The following STS variants were observed in gnomAD, a reference collection of about 807,000 sequenced individuals.
STS encodes steryl-sulfatase.
Under a neutral mutation model 26.8 loss-of-function variants are expected in STS, and 7 were observed. The ratio of observed to expected loss-of-function variants is 0.26; its 90% CI spans 0.15 to 0.49. STS has a LOEUF of 0.49. Among genes scored for constraint, STS ranks in the 20% least tolerant of loss-of-function variants. STS has a pLI of 0.98. For missense variants in STS, 434 were observed against 465.6 expected (o/e 0.93, Z 0.63); for synonymous variants, 199 against 189.4 (o/e 1.05, Z -0.42).
At chrX:7,283,098 T>A (rs189467356) in intron 7 of STS, among the ~76,000 whole-genome samples, 78 of 112,443 alleles carry the variant, frequency 6.9e-4, no homozygotes, top group African/African-American at 2.5e-3. Context: ...TCTTAAGGCT[T>A]TGTATTTCCC....
At chrX:7,329,458 T>C (rs1385937287) in intron 9 of STS, among the ~76,000 whole-genome samples, 1 of 112,399 alleles carries the variant, frequency 8.9e-6, no homozygotes, top group African/African-American at 3.2e-5. Flanking sequence ...ATCAAAACTT[T>C]TCAATAAAAG....
chrX:7,219,477 C>T (rs1239008088), intron 2 of STS: 3 of 1,115,973 alleles, frequency 2.7e-6, no homozygotes, highest in African/African-American at 3.6e-5. Context: ...GGCCAAGCCT[C>T]CAGCAGCTGA....
At chrX:7,291,973 A>G (rs1203727963) in intron 7 of STS, among the ~76,000 whole-genome samples, 2 of 112,356 alleles carry the variant, frequency 1.8e-5, no homozygotes, top group African/African-American at 3.2e-5. Context: ...GCTTTTATGC[A>G]TCCGATTTGT....
intron 1 of STS, among the ~76,000 whole-genome samples, chrX:7,161,713 T>C (rs970544134): frequency 8.9e-6 from 1 of 112,051 alleles, no homozygotes; most frequent in Non-Finnish European, 1.9e-5. Context: ...GCAGATTGAG[T>C]TGGAGGAATG....
intron 7 of STS, among the ~76,000 whole-genome samples, chrX:7,280,940 T>C (rs1209778079): frequency 8.9e-6 from 1 of 112,506 alleles, no homozygotes. Flanking sequence ...TAATCCCAGG[T>C]GGATCACCTA....
intron 10 of STS, among the ~76,000 whole-genome samples, chrX:7,339,529 A>G (rs746148566): frequency 8.9e-6 from 1 of 112,309 alleles, no homozygotes; most frequent in African/African-American, 3.2e-5. Flanking sequence ...GCATGCAGCT[A>G]TTATTTCACT....
chrX:7,268,854 A>G (rs2147099489), intron 6 of STS, among the ~76,000 whole-genome samples: 1 of 110,408 alleles, frequency 9.1e-6, no homozygotes, highest in African/African-American at 3.3e-5. Context: ...TCTACAAAAA[A>G]TAAAGAAATA....
intron 2 of STS, among the ~76,000 whole-genome samples, chrX:7,205,495 G>C (rs1206058804): frequency 8.9e-6 from 1 of 111,949 alleles, no homozygotes; most frequent in Non-Finnish European, 1.9e-5. Context: ...TGGGCACTCA[G>C]TGTATTCACT....
rs138443408 is a variant in STS, at chrX:7,292,761, C to G, written c.944-12285C>G. On this transcript the variant is annotated intron_variant, in intron 7 of 10. Transcript: ENST00000674429. ...CTTTATTCTAATGAAATTGCTCAGT[C>G]CCTCTGCTTGCAATTGCATCAGAGT... Among the ~76,000 whole-genome samples, 84 of 111,323 alleles carry G rather than the reference C, an allele frequency of 7.5e-4. No individual in the cohort carries two copies. The East Asian group carries it at 0.02, about 26-fold the overall frequency.
intron 7 of STS, among the ~76,000 whole-genome samples, chrX:7,292,017 A>G (rs1310489404): frequency 3.6e-5 from 4 of 112,341 alleles, no homozygotes; most frequent in African/African-American, 1.3e-4. Flanking sequence ...AGGAAGAAAA[A>G]AACCTAGAGA....
chrX:7,188,419 A>G (rs1437126355), intron 1 of STS, among the ~76,000 whole-genome samples: 1 of 111,906 alleles, frequency 8.9e-6, no homozygotes, highest in African/African-American at 3.2e-5. Context: ...GGATACCATT[A>G]CTGTCCCCCA....
intron 2 of STS, among the ~76,000 whole-genome samples, chrX:7,205,534 G>C (rs1252125339): frequency 2.7e-5 from 3 of 111,692 alleles, no homozygotes; most frequent in East Asian, 2.8e-4. Flanking sequence ...ATGCAACTGT[G>C]TCTGGAGGGG....
chrX:7,337,403 G>A (rs763319597), intron 10 of STS, among the ~76,000 whole-genome samples: 1 of 111,744 alleles, frequency 8.9e-6, no homozygotes, highest in South Asian at 3.7e-4. Context: ...AGGAAAACGT[G>A]ACTCTCATCC....
intron 2 of STS, among the ~76,000 whole-genome samples, chrX:7,251,971 T>A (rs1372475337): frequency 9.1e-6 from 1 of 110,398 alleles, no homozygotes; most frequent in Non-Finnish European, 1.9e-5. Context: ...CAAATTTTTT[T>A]AAATAAAAAT....
chrX:7,232,344 C>G (rs755077191), intron 2 of STS, among the ~76,000 whole-genome samples: 1 of 111,994 alleles, frequency 8.9e-6, no homozygotes, highest in East Asian at 2.8e-4. Context: ...AGTGCATTAG[C>G]GTTAGCAAAA....
chrX:7,325,235 G>A lies in STS; in HGVS notation c.1082-104G>A, dbSNP rs189964813. ...CTCATAGATGGAATCTATGTAATTA[G>A]AGCAGTTGGTTCTTCTACATTGAGC... On this transcript the variant is annotated intron_variant, in intron 8 of 10. Transcript: ENST00000674429. The A allele has an allele frequency of 2.6e-4, 219 of 826,552 alleles. 1 individual carries two copies. The East Asian group carries it at 7.3e-3, about 28-fold the overall frequency. The allele number at this position is 826,552 out of a possible 1,213,427, so 68.1% of individuals were successfully genotyped here.
At chrX:7,175,570 A>T (rs1373857059) in intron 1 of STS, among the ~76,000 whole-genome samples, 1 of 111,975 alleles carries the variant, frequency 8.9e-6, no homozygotes, top group Non-Finnish European at 1.9e-5. Context: ...GGGAAGGAAT[A>T]AATGACATGA....
chrX:7,275,009 C>T (rs1313699104), intron 6 of STS, among the ~76,000 whole-genome samples: 2 of 111,751 alleles, frequency 1.8e-5, no homozygotes, highest in Non-Finnish European at 3.8e-5. Context: ...ACCTGGAGGA[C>T]ATTCTGCTAA....
At chrX:7,210,524 T>C (rs1449903666) in intron 2 of STS, among the ~76,000 whole-genome samples, 1 of 107,372 alleles carries the variant, frequency 9.3e-6, no homozygotes, top group African/African-American at 3.3e-5. Flanking sequence ...AAAATAGATG[T>C]ATGTATAATA....
Sources: gnomAD v4.1 joint callset for allele counts (sites outside exome capture counted in the v4.1 genomes callset) on GRCh38, gnomAD v4.1.1 for gene constraint, MANE v1.5 for transcripts, NCBI Gene and HGNC (gene_info 2026-07-23, HGNC 2026-07-21) for gene names.